Variants in ITGAE observed in about 807,000 individuals in gnomAD.
ITGAE encodes integrin alpha-E.
A neutral mutation model predicts 136.5 loss-of-function variants in ITGAE; 99 were observed. That is an observed-to-expected ratio of 0.73 (90% CI 0.62 to 0.86). The LOEUF is 0.86. Ranked by LOEUF, ITGAE falls within the 40% of genes least tolerant of loss-of-function variation. The pLI is 0.00. For synonymous variants in ITGAE, 613 were observed against 591.8 expected (o/e 1.04, Z -0.52); for missense variants, 1,447 against 1,515.3 (o/e 0.95, Z 0.75).
chr17:3,728,152 C>G lies in ITGAE; in HGVS notation c.2929G>C (p.Val977Leu). ...AVLSKPSIMY[V>L]NTGQGLSHHK... ...TGAGAAAGCCCCTGGCCTGTGTTCA[C>G]GTACATTATGGATGGTCTGCAATTG... is the stretch of plus-strand genomic sequence containing the variant. The change falls in exon 25 of 31, where the codon GTG (valine) becomes CTG (leucine). Residue 977 changes from valine (V) to leucine (L), a missense_variant. Transcript: ENST00000263087. 1.2e-6 allele frequency: 2 copies of G among 1,613,050 alleles called. No homozygotes were observed. Among genetic ancestry groups the G allele is most frequent in the Non-Finnish European group, 1.7e-6 (2 of 1,179,032 alleles).
chr17:3,776,757 C>T (rs764773350), intron 2 of ITGAE, among the ~76,000 whole-genome samples: 2 of 151,754 alleles, frequency 1.3e-5, no homozygotes, highest in East Asian at 1.9e-4. Context: ...GGGGGTCTCA[C>T]TATGTTGCCC....
intron 29 of ITGAE, chr17:3,717,330 C>T (rs568537038): frequency 2.6e-5 from 4 of 153,446 alleles, no homozygotes; most frequent in African/African-American, 9.6e-5. Flanking sequence ...TTCCCCTCAC[C>T]AGACTAAAAA....
intron 14 of ITGAE, among the ~76,000 whole-genome samples, chr17:3,752,946 G>A (rs2051906609): frequency 6.6e-6 from 1 of 152,344 alleles, no homozygotes; most frequent in Admixed American, 6.5e-5. Flanking sequence ...TACTTGGTAG[G>A]CTGAGGCAGG....
chr17:3,729,414 A>C (rs2051290409), intron 24 of ITGAE, 64 bp downstream of exon 24: 2 of 987,032 alleles, frequency 2.0e-6, no homozygotes, highest in Non-Finnish European at 3.3e-6. Flanking sequence ...TCTACGAGAG[A>C]GAGCCCAAAG....
At chr17:3,717,841 G>C (rs974773717) in intron 29 of ITGAE, 1 of 151,220 alleles carries the variant, frequency 6.6e-6, no homozygotes, top group African/African-American at 2.5e-5. Context: ...GCAACAAAGA[G>C]GGAGGAAGAA....
intron 1 of ITGAE, among the ~76,000 whole-genome samples, chr17:3,781,774 G>A (rs2052673084): frequency 6.6e-6 from 1 of 152,088 alleles, no homozygotes; most frequent in African/African-American, 2.4e-5. Flanking sequence ...ATCATTATTT[G>A]TTGAGTAGCT....
chr17:3,719,229 C>T (rs60535255), intron 29 of ITGAE, among the ~76,000 whole-genome samples: 1 of 84,784 alleles, frequency 1.2e-5, no homozygotes, highest in Non-Finnish European at 1.9e-5. Flanking sequence ...CAGTGAGATT[C>T]TTCCTCAAAA....
intron 2 of ITGAE, among the ~76,000 whole-genome samples, chr17:3,767,861 A>G (rs3786018): frequency 0.14 from 21,656 of 152,058 alleles, 2,004 homozygotes; most frequent in African/African-American, 0.24. Context: ...AAGCACTCCC[A>G]CCTTGGTCTT....
At chr17:3,747,423 T>C (rs1216024963) in intron 17 of ITGAE, among the ~76,000 whole-genome samples, 1 of 152,130 alleles carries the variant, frequency 6.6e-6, no homozygotes, top group African/African-American at 2.4e-5. Context: ...GTTCATGCTA[T>C]TCTCCTGCCT....
intron 18 of ITGAE, among the ~76,000 whole-genome samples, chr17:3,745,530 C>G (rs537933717): frequency 6.6e-6 from 1 of 152,266 alleles, no homozygotes; most frequent in Admixed American, 6.5e-5. Context: ...TTAGTGGAGA[C>G]AGGGTTTCAC....
chr17:3,768,046 C>T (rs887312080), intron 2 of ITGAE, among the ~76,000 whole-genome samples: 3 of 152,158 alleles, frequency 2.0e-5, no homozygotes, highest in South Asian at 4.1e-4. Context: ...GACTTCTGGC[C>T]TCCAAAACTA....
intron 6 of ITGAE, 92 bp from the exon 7 acceptor site, chr17:3,760,379 G>T: frequency 2.5e-6 from 1 of 399,868 alleles, no homozygotes; most frequent in Non-Finnish European, 4.7e-6. Context: ...CTGCAGCCCT[G>T]ACAACCAGCT....
intron 14 of ITGAE, among the ~76,000 whole-genome samples, chr17:3,752,085 G>C (rs2051886406): frequency 6.6e-6 from 1 of 151,986 alleles, no homozygotes; most frequent in Non-Finnish European, 1.5e-5. Context: ...CACCCAGGAT[G>C]CACGCTCGCT....
At chr17:3,731,031 A>G in intron 23 of ITGAE, 73 bp downstream of exon 23, 1 of 1,258,954 alleles carries the variant, frequency 7.9e-7, no homozygotes, top group Non-Finnish European at 1.2e-6. Flanking sequence ...CGTTCCTCTC[A>G]CAGCGTGCAT....
At chr17:3,753,560 G>A in intron 13 of ITGAE, 130 bp from the exon 14 acceptor site, 1 of 1,245,496 alleles carries the variant, frequency 8.0e-7, no homozygotes, top group Non-Finnish European at 1.1e-6. Flanking sequence ...CTCACTGAGA[G>A]TAACAGAAGA....
intron 2 of ITGAE, among the ~76,000 whole-genome samples, chr17:3,765,543 T>C (rs2052278731): frequency 6.6e-6 from 1 of 152,036 alleles, no homozygotes; most frequent in South Asian, 2.1e-4. Context: ...TCTGCACCTG[T>C]GCGTCCATCC....
intron 19 of ITGAE, among the ~76,000 whole-genome samples, chr17:3,741,694 G>A (rs1482568001): frequency 6.6e-6 from 1 of 152,166 alleles, no homozygotes; most frequent in African/African-American, 2.4e-5. Context: ...CAGGCAAACA[G>A]CACTAGGAAT....
intron 10 of ITGAE, among the ~76,000 whole-genome samples, chr17:3,756,321 C>T (rs1205262495): frequency 6.7e-6 from 1 of 148,988 alleles, no homozygotes; most frequent in African/African-American, 2.5e-5. Context: ...GCAACTTGTG[C>T]CTCCCAAGGT....
In ITGAE at chr17:3,734,890, GAGTT is replaced by G; in HGVS notation, c.2578_2581del (p.Asn860ProfsTer7). The G allele has an allele frequency of 6.2e-7, 1 of 1,614,200 alleles. No individual in the cohort carries two copies. The highest frequency in any genetic ancestry group is 1.1e-5 in the South Asian group (1 of 91,080). The stretch of plus-strand genomic sequence containing the variant: ...GCTTGTCATGTAGGAATCTTCCCCG[GAGTT>G]AGTTAGGTTAATGTTCAGGGTCAGC... On this transcript the variant is annotated frameshift_variant, in exon 21 of 31. Coordinates refer to ENST00000263087, the MANE Select transcript of ITGAE (RefSeq NM_002208.5). LOFTEE classifies it high-confidence loss of function.
Sources: allele counts gnomAD v4.1 joint callset (sites outside exome capture counted in the v4.1 genomes callset), GRCh38; gene constraint gnomAD v4.1.1; transcripts MANE v1.5; gene names NCBI Gene and HGNC (gene_info 2026-07-23, HGNC 2026-07-21).